The following PDXDC1 variants were observed in gnomAD, a reference collection of about 807,000 sequenced individuals.
PDXDC1 encodes the protein pyridoxal-dependent decarboxylase domain-containing protein 1.
PDXDC1 carries 42 observed loss-of-function variants against 100.1 expected under a neutral mutation model. The observed-to-expected ratio is 0.42, with a 90% CI of 0.33 to 0.54. The LOEUF (loss-of-function observed/expected upper bound fraction) is 0.54. Ranked by LOEUF, PDXDC1 falls within the 20% of genes least tolerant of loss-of-function variation. The pLI is 0.10. For synonymous variants in PDXDC1, 260 were observed against 371.7 expected, an observed-to-expected ratio of 0.70 and a Z score of 3.46; for missense variants, 636 against 979.2, an observed-to-expected ratio of 0.65 and a Z score of 4.68.
chr16:14,993,085 G>A (rs1049090248), intron 1 of PDXDC1, among the ~76,000 whole-genome samples: 1 of 152,088 alleles, frequency 6.6e-6, no homozygotes, highest in African/African-American at 2.4e-5. Context: ...TTCTGCCTTG[G>A]CCTCCCAAAG....
intron 16 of PDXDC1, among the ~76,000 whole-genome samples, chr16:15,079,586 G>C (rs2045609418): frequency 7.6e-6 from 1 of 131,562 alleles, no homozygotes; most frequent in East Asian, 2.2e-4. Flanking sequence ...TGGTGCTAGT[G>C]GTTTCTTTTC....
chr16:15,127,260 C>T (rs1342870295), intron 16 of PDXDC1: 1 of 520,018 alleles, frequency 1.9e-6, no homozygotes. Flanking sequence ...AGCGAAGTGC[C>T]CTCGTTCTTT....
intron 16 of PDXDC1, chr16:15,061,675 C>G (rs2044715639): frequency 6.8e-7 from 1 of 1,476,702 alleles, no homozygotes. Context: ...ATGGCACAAG[C>G]TGGGTGCTGA....
At chr16:15,013,787 A>G (rs576072166) in intron 8 of PDXDC1, among the ~76,000 whole-genome samples, 2 of 151,904 alleles carry the variant, frequency 1.3e-5, no homozygotes, top group East Asian at 3.9e-4. Context: ...AGGCAGGAAA[A>G]TCGCTTGAAC....
chr16:15,041,804 C>A, downstream of PDXDC1: 1 of 719,608 alleles, frequency 1.4e-6, no homozygotes, highest in Non-Finnish European at 2.5e-6. Context: ...AGCCCGCGCC[C>A]ACACTGCCAC....
At chr16:15,068,961 T>C (rs1383183948) in intron 16 of PDXDC1, among the ~76,000 whole-genome samples, 1 of 152,154 alleles carries the variant, frequency 6.6e-6, no homozygotes, top group African/African-American at 2.4e-5. Context: ...TGTCACAGCT[T>C]ACAAAAACAA....
At chr16:15,063,530 A>C (rs1054219175) in intron 16 of PDXDC1, among the ~76,000 whole-genome samples, 1 of 151,930 alleles carries the variant, frequency 6.6e-6, no homozygotes, top group African/African-American at 2.4e-5. Context: ...AACACGGTGA[A>C]ACCCCATCTC....
chr16:15,051,326 A>C (rs945257346), intron 16 of PDXDC1, among the ~76,000 whole-genome samples: 2 of 152,244 alleles, frequency 1.3e-5, no homozygotes, highest in Non-Finnish European at 2.9e-5. Context: ...GAATGCCAGA[A>C]AACTAAAACA....
intron 16 of PDXDC1, among the ~76,000 whole-genome samples, chr16:15,086,908 C>T (rs1020090926): frequency 1.3e-5 from 2 of 152,178 alleles, no homozygotes; most frequent in Admixed American, 1.3e-4. Flanking sequence ...ATAAACATAA[C>T]TTTTCTAAAC....
chr16:15,132,673 T>C (rs1183835901), intron 16 of PDXDC1: 3 of 726,428 alleles, frequency 4.1e-6, no homozygotes, highest in Non-Finnish European at 7.2e-6. Context: ...CTGAACCCAG[T>C]ACCCTGGCAG....
intron 16 of PDXDC1, among the ~76,000 whole-genome samples, chr16:15,111,968 T>C (rs567615766): frequency 2.0e-4 from 29 of 148,048 alleles, no homozygotes; most frequent in African/African-American, 7.0e-4. Flanking sequence ...TGATCTGCAC[T>C]GGAGCATCTT....
At chr16:15,139,831 C>T (rs1197863416), downstream of PDXDC1, among the ~76,000 whole-genome samples, 2 of 152,058 alleles carry the variant, frequency 1.3e-5, no homozygotes, top group Non-Finnish European at 2.9e-5. Context: ...GGCACGGTGG[C>T]TCACTCCTGT....
At position 15,084,667 on chromosome 16, in the gene PDXDC1, G is replaced by C. The variant is rs748210897; in HGVS notation, c.1400-54212G>C. 6.2e-6 allele frequency: 10 copies of C among 1,612,604 alleles called. No individual in the cohort carries two copies. In the South Asian group the frequency reaches 1.1e-4, roughly 18 times the overall value. On this transcript the variant is annotated intron_variant, in intron 16 of 16. Coordinates refer to the PDXDC1 transcript ENST00000535621. ...GATGGTACATATCTTGCTATTATTT[G>C]CAAGGCTCTGTGACATGTGTCAAAA... is the stretch of plus-strand genomic sequence containing the variant.
the PDXDC1 span, among the ~76,000 whole-genome samples, chr16:15,145,657 G>A: frequency 6.6e-6 from 1 of 152,366 alleles, no homozygotes; most frequent in South Asian, 2.1e-4. Context: ...CAGTGCCTGG[G>A]CACCCCGGCC....
In PDXDC1 at chr16:15,034,361, G is replaced by C; in HGVS notation, c.1888G>C (p.Glu630Gln). 6.2e-7 allele frequency: 1 copy of C among 1,613,508 alleles called. No individual in the cohort carries two copies. The highest frequency in any genetic ancestry group is 8.5e-7 in the Non-Finnish European group (1 of 1,180,000). ...AGTGGAGCTGCAGAAGGCAAGTGAA[G>C]AACGGCTTCTGGAAGAGGTGAGGCC... is the stretch of plus-strand genomic sequence containing the variant. ...AQVELQKASEERLLEEGVLRQ... is the reference protein window; with the variant it reads ...AQVELQKASEQRLLEEGVLRQ... Residue 630 changes from glutamate (E) to glutamine (Q), a missense_variant, in exon 20 of 23, where the codon GAA becomes CAA. By Grantham distance (29) the Glu-to-Gln change is conservative. Coordinates refer to ENST00000396410, the MANE Select transcript of PDXDC1 (RefSeq NM_015027.4).
At chr16:15,111,358 A>G (rs1402778336) in intron 16 of PDXDC1, among the ~76,000 whole-genome samples, 4 of 146,300 alleles carry the variant, frequency 2.7e-5, no homozygotes, top group African/African-American at 9.9e-5. Context: ...CGGGAGGCTG[A>G]GGCAGGAGAA....
intron 16 of PDXDC1, among the ~76,000 whole-genome samples, chr16:15,102,080 T>G (rs1443025477): frequency 4.6e-5 from 7 of 152,144 alleles, no homozygotes; most frequent in Non-Finnish European, 8.8e-5. Flanking sequence ...ACGCCTGACC[T>G]TGTGATCCAC....
chr16:14,986,966 C>G (rs1374059117), intron 1 of PDXDC1, among the ~76,000 whole-genome samples: 1 of 152,286 alleles, frequency 6.6e-6, no homozygotes. Flanking sequence ...AGGCTGGTCT[C>G]AAACTCTTGA....
intron 6 of PDXDC1, 136 bp downstream of exon 6, chr16:15,006,719 T>C: frequency 1.2e-6 from 1 of 860,184 alleles, no homozygotes; most frequent in Non-Finnish European, 1.7e-6. Context: ...TTTGTCATAT[T>C]TGTAAAAATT....
Sources: gnomAD v4.1 joint callset for allele counts (sites outside exome capture counted in the v4.1 genomes callset) on GRCh38, gnomAD v4.1.1 for gene constraint, MANE v1.5 for transcripts, NCBI Gene and HGNC (gene_info 2026-07-23, HGNC 2026-07-21) for gene names.